Variants in CLEC16A observed in about 807,000 individuals in gnomAD.
The protein encoded by CLEC16A is protein CLEC16A.
In CLEC16A, 51 loss-of-function variants were observed where a neutral mutation model predicts 109.5. That is an observed-to-expected ratio of 0.47 (90% CI 0.37 to 0.59). The LOEUF (loss-of-function observed/expected upper bound fraction) is 0.59, where lower values mean the gene tolerates loss of function less well. Among genes scored for constraint, CLEC16A ranks in the 20% least tolerant of loss-of-function variants. The pLI is 0.00. For synonymous variants in CLEC16A, 673 were observed against 564.2 expected (o/e 1.19, Z -2.73); for missense variants, 1,339 against 1,394.0 (o/e 0.96, Z 0.63).
Position 11,049,270 on chromosome 16 carries a change from T to G in CLEC16A, c.1866+1928T>G, listed in dbSNP as rs577972944. ...ATCCGCCCGCCTTGGCCTCCCAAAG[T>G]GGTGGAATTACAGGCGTGAGCCACC... is the stretch of plus-strand genomic sequence containing the variant. On this transcript the variant is annotated intron_variant, in intron 17 of 23. Coordinates refer to ENST00000409790, the MANE Select transcript of CLEC16A (RefSeq NM_015226.3). Among the ~76,000 whole-genome samples the G allele has an allele frequency of 5.4e-3, 820 of 152,186 alleles. 5 individuals are homozygous for G. Among genetic ancestry groups the G allele is most frequent in the Non-Finnish European group, 8.6e-3 (588 of 67,978 alleles).
chr16:10,977,410 C>G lies in CLEC16A; in HGVS notation c.903+11C>G, dbSNP rs1211128568. 1 of 1,608,808 alleles carries G rather than the reference C, an allele frequency of 6.2e-7. No homozygotes were observed. Among genetic ancestry groups the G allele is most frequent in the Non-Finnish European group, 8.5e-7 (1 of 1,177,148 alleles). ...GAGAACCAGGACAAGGTGGGTCCAG[C>G]CCCGTGGCTCCCGCTGGCTGAAGGC... On this transcript the variant is annotated intron_variant, in intron 8 of 23. Transcript: ENST00000409790.
At chr16:11,021,146 T>C (rs527740363) in intron 12 of CLEC16A, among the ~76,000 whole-genome samples, 211 of 152,332 alleles carry the variant, frequency 1.4e-3, no homozygotes, top group African/African-American at 4.8e-3. Flanking sequence ...CCATCCTCTT[T>C]AGTAATCCAA....
intron 23 of CLEC16A, among the ~76,000 whole-genome samples, chr16:11,171,138 T>G (rs186121178): frequency 3.4e-4 from 52 of 152,234 alleles, no homozygotes; most frequent in Non-Finnish European, 6.5e-4. Context: ...TGAGGAACAT[T>G]CCCCATGCCC....
Position 11,095,083 on chromosome 16 carries a change from CT to C in CLEC16A, c.2117-25523del, listed in dbSNP as rs71136618. On this transcript the variant is annotated intron_variant, in intron 19 of 23. Transcript: ENST00000409790. ...GTTTCTTATTTGAACAGTTGCTAATCTTTTTTTTTCTTTTTTTTTTTAAGTG... is the reference window on the plus strand; with the variant it reads ...GTTTCTTATTTGAACAGTTGCTAATCTTTTTTTTCTTTTTTTTTTTAAGTG... Among the ~76,000 whole-genome samples, 6 of 150,312 alleles carry C rather than the reference CT, an allele frequency of 4.0e-5. No homozygotes were observed. The East Asian group carries it at 1.2e-3, about 30-fold the overall frequency.
intron 15 of CLEC16A, among the ~76,000 whole-genome samples, chr16:11,043,404 T>C (rs1222817658): frequency 6.6e-6 from 1 of 151,706 alleles, no homozygotes; most frequent in Non-Finnish European, 1.5e-5. Context: ...ATTGAGACTG[T>C]CTTGGAAAAG....
intron 22 of CLEC16A, among the ~76,000 whole-genome samples, chr16:11,141,501 G>A (rs1219035480): frequency 2.6e-5 from 4 of 152,250 alleles, no homozygotes; most frequent in Non-Finnish European, 4.4e-5. Flanking sequence ...GGGTTGTCGG[G>A]GACCGTGGGG....
chr16:11,050,748 TA>T (rs1225636927), intron 17 of CLEC16A, among the ~76,000 whole-genome samples: 1 of 152,220 alleles, frequency 6.6e-6, no homozygotes, highest in Admixed American at 6.5e-5. Context: ...GTGTCCCTTT[TA>T]TGATGGGCCC....
At chr16:11,101,679 A>T (rs1211749680) in intron 19 of CLEC16A, among the ~76,000 whole-genome samples, 3 of 152,246 alleles carry the variant, frequency 2.0e-5, no homozygotes, top group Non-Finnish European at 4.4e-5. Context: ...CCTTGCCCTC[A>T]TAGAACTAAT....
chr16:11,051,344 C>G (rs1302648400), intron 17 of CLEC16A, among the ~76,000 whole-genome samples, 169 bp from the exon 18 acceptor site: 1 of 152,218 alleles, frequency 6.6e-6, no homozygotes, highest in African/African-American at 2.4e-5. Flanking sequence ...ATATTGCTCC[C>G]TTATCTGGCT....
chr16:11,055,116 G>C (rs544457353), intron 18 of CLEC16A, among the ~76,000 whole-genome samples: 1 of 152,240 alleles, frequency 6.6e-6, no homozygotes, highest in African/African-American at 2.4e-5. Context: ...GCCAAATACT[G>C]TGTTAGCCTT....
chr16:11,147,244 A>G (rs2054102324), intron 22 of CLEC16A, among the ~76,000 whole-genome samples: 1 of 152,170 alleles, frequency 6.6e-6, no homozygotes, highest in African/African-American at 2.4e-5. Context: ...CCCTGGCCAG[A>G]TAAGGGGAGC....
intron 19 of CLEC16A, among the ~76,000 whole-genome samples, chr16:11,113,327 A>G (rs1290041425): frequency 3.3e-5 from 5 of 152,158 alleles, no homozygotes; most frequent in South Asian, 2.1e-4. Flanking sequence ...TCTTTATTCA[A>G]TTTTAAGTGT....
chr16:11,173,000 G>A (rs1197039628), intron 23 of CLEC16A, among the ~76,000 whole-genome samples: 1 of 152,130 alleles, frequency 6.6e-6, no homozygotes, highest in Non-Finnish European at 1.5e-5. Flanking sequence ...ACGGCCCAGT[G>A]CAGGGAGCTT....
chr16:11,127,688 G>C (rs1274676077), intron 22 of CLEC16A, among the ~76,000 whole-genome samples: 2 of 152,108 alleles, frequency 1.3e-5, no homozygotes, highest in Non-Finnish European at 2.9e-5. Flanking sequence ...GGGCAACACA[G>C]TGAGACATCG....
intron 11 of CLEC16A, among the ~76,000 whole-genome samples, chr16:11,018,748 CA>C (rs56911220): frequency 0.17 from 16,219 of 96,122 alleles, 1,026 homozygotes; most frequent in Middle Eastern, 0.23. Context: ...GACTCCATCT[CA>C]AAAAAAAAAA....
At chr16:11,033,829 G>A (rs758884935) in intron 13 of CLEC16A, among the ~76,000 whole-genome samples, 1 of 152,236 alleles carries the variant, frequency 6.6e-6, no homozygotes, top group Non-Finnish European at 1.5e-5. Flanking sequence ...GAAGGCGCTT[G>A]TTGTGATTCA....
chr16:11,047,327 G>A lies in CLEC16A; in HGVS notation c.1851G>A (p.Glu617=), dbSNP rs1287290773. Residue 617 remains glutamate, a synonymous_variant, in exon 17 of 24, where the codon GAG becomes GAA. Transcript: ENST00000409790. The stretch of plus-strand genomic sequence containing the variant: ...TTTTTTTGGACATGTTTGAAGATGA[G>A]TATAGGAGCATGACAGTAAGTGAGG... The part of the protein sequence containing the change: ...EDIFLDMFED[E]YRSMTMKPMN... 4 of 1,610,330 alleles carry A rather than the reference G, an allele frequency of 2.5e-6. No individual in the cohort carries two copies. In the African/African-American group the frequency reaches 4.0e-5, roughly 16 times the overall value.
intron 11 of CLEC16A, among the ~76,000 whole-genome samples, chr16:11,011,395 G>C (rs576905388): frequency 6.6e-6 from 1 of 152,168 alleles, no homozygotes; most frequent in East Asian, 1.9e-4. Flanking sequence ...ATGGTTTATA[G>C]TGCATTACTG....
At chr16:11,056,268 A>T (rs2048207576) in intron 18 of CLEC16A, among the ~76,000 whole-genome samples, 1 of 152,208 alleles carries the variant, frequency 6.6e-6, no homozygotes, top group African/African-American at 2.4e-5. Flanking sequence ...ACCCTCCCGG[A>T]ACCTCAGGTC....
Sources: gnomAD v4.1 joint callset for allele counts (sites outside exome capture counted in the v4.1 genomes callset) on GRCh38, gnomAD v4.1.1 for gene constraint, MANE v1.5 for transcripts, NCBI Gene and HGNC (gene_info 2026-07-23, HGNC 2026-07-21) for gene names.